The following MROH9 variants were observed in gnomAD, a reference collection of about 807,000 sequenced individuals.
The protein encoded by MROH9 is maestro heat like repeat family member 9.
MROH9 carries 92 observed loss-of-function variants against 98.2 expected under a neutral mutation model. The observed-to-expected ratio is 0.94, with a 90% confidence interval of 0.79 to 1.11. The LOEUF is 1.11. Ranked by LOEUF, MROH9 falls within the 50% of genes most tolerant of loss-of-function variation. The pLI, the probability that MROH9 is intolerant of heterozygous loss-of-function variation, is 0.00. For missense variants in MROH9, 1,057 were observed against 1,014.8 expected (o/e 1.04, Z -0.57); for synonymous variants, 397 against 368.9 (o/e 1.08, Z -0.87).
intron 10 of MROH9, among the ~76,000 whole-genome samples, chr1:170,986,974 C>A (rs942457262): frequency 6.6e-5 from 10 of 152,102 alleles, no homozygotes; most frequent in Non-Finnish European, 1.3e-4. Flanking sequence ...CCTCAGCCTC[C>A]TAAGCAGCTG....
intron 15 of MROH9, among the ~76,000 whole-genome samples, chr1:171,013,275 T>C (rs188445602): frequency 2.6e-5 from 4 of 152,190 alleles, no homozygotes; most frequent in African/African-American, 9.7e-5. Flanking sequence ...GGAACAGGGC[T>C]GCACAGCGGG....
At chr1:170,990,653 C>G (rs564715093) in intron 11 of MROH9, among the ~76,000 whole-genome samples, 1 of 152,304 alleles carries the variant, frequency 6.6e-6, no homozygotes, top group Admixed American at 6.5e-5. Context: ...CTACTATGAA[C>G]AGTGTAAAAG....
At chr1:171,019,753 A>C (rs1057458243) in intron 17 of MROH9, among the ~76,000 whole-genome samples, 1 of 152,186 alleles carries the variant, frequency 6.6e-6, no homozygotes, top group Admixed American at 6.6e-5. Flanking sequence ...GCAGAAAACA[A>C]GAAATAACCC....
At chr1:171,007,664 T>A (rs976981111) in intron 15 of MROH9, among the ~76,000 whole-genome samples, 2 of 152,144 alleles carry the variant, frequency 1.3e-5, no homozygotes, top group African/African-American at 4.8e-5. Flanking sequence ...CAAAATCACA[T>A]ATAGGCTTCT....
chr1:171,041,474 A>G (rs1279783174), intron 20 of MROH9, among the ~76,000 whole-genome samples: 1 of 148,730 alleles, frequency 6.7e-6, no homozygotes, highest in Non-Finnish European at 1.5e-5. Context: ...GTCATCCCTG[A>G]TGGTAACTTA....
At chr1:170,973,711 A>G (rs1188003461) in intron 8 of MROH9, among the ~76,000 whole-genome samples, 1 of 152,148 alleles carries the variant, frequency 6.6e-6, no homozygotes, top group Non-Finnish European at 1.5e-5. Flanking sequence ...CCCCGTCTCT[A>G]CTAAAAATAC....
At chr1:170,951,403 G>A (rs1293065119) in intron 3 of MROH9, among the ~76,000 whole-genome samples, 1 of 152,066 alleles carries the variant, frequency 6.6e-6, no homozygotes, top group Non-Finnish European at 1.5e-5. Context: ...TTCAGCAACA[G>A]AATCTACATT....
Position 171,028,018 on chromosome 1 carries a change from C to A in MROH9, c.2281+2598C>A, listed in dbSNP as rs1047996443. ...TGTTCAGTCTTTGTCTTTTGCTGTG[C>A]AGAAGCTGTTTAATTTAATTAGACC... On this transcript the variant is annotated intron_variant, in intron 20 of 21. Coordinates refer to ENST00000367759, the MANE Select transcript of MROH9 (RefSeq NM_001163629.2). 1.3e-5 allele frequency among the ~76,000 whole-genome samples: 2 copies of A among 152,130 alleles called. 1 individual carries two copies. Among genetic ancestry groups the A allele is most frequent in the Middle Eastern group, 6.3e-3 (2 of 316 alleles).
intron 1 of MROH9, among the ~76,000 whole-genome samples, chr1:170,941,081 T>C (rs1452896412): frequency 2.0e-5 from 3 of 152,188 alleles, no homozygotes; most frequent in Non-Finnish European, 2.9e-5. Context: ...CTACACTCCA[T>C]TGATCTCCTG....
At chr1:171,001,661 A>G (rs879472840) in intron 15 of MROH9, among the ~76,000 whole-genome samples, 7 of 152,066 alleles carry the variant, frequency 4.6e-5, no homozygotes, top group Non-Finnish European at 1.0e-4. Context: ...TTTTTGGCCT[A>G]TCATATATTC....
chr1:171,024,311 T>G, intron 17 of MROH9, 84 bp from the exon 18 acceptor site: 1 of 888,818 alleles, frequency 1.1e-6, no homozygotes, highest in Non-Finnish European at 1.8e-6. Flanking sequence ...GGGGTGTGTG[T>G]GTGTGTGTGT....
chr1:170,994,320 C>A (rs990183352), intron 12 of MROH9, among the ~76,000 whole-genome samples: 2 of 152,124 alleles, frequency 1.3e-5, no homozygotes, highest in Non-Finnish European at 2.9e-5. Context: ...ATAACTGTTA[C>A]CCACGTGACT....
intron 15 of MROH9, among the ~76,000 whole-genome samples, chr1:171,012,259 C>G (rs1337169437): frequency 6.6e-6 from 1 of 151,718 alleles, no homozygotes; most frequent in Non-Finnish European, 1.5e-5. Context: ...TTTATTATAT[C>G]ACAAATTTTT....
chr1:171,028,607 T>C (rs1652803994), intron 20 of MROH9, among the ~76,000 whole-genome samples: 1 of 152,222 alleles, frequency 6.6e-6, no homozygotes, highest in African/African-American at 2.4e-5. Flanking sequence ...AATCTATAAA[T>C]TAACTTGGGC....
chr1:170,955,226 C>T (rs1649715297), intron 3 of MROH9, among the ~76,000 whole-genome samples: 1 of 151,974 alleles, frequency 6.6e-6, no homozygotes, highest in South Asian at 2.1e-4. Flanking sequence ...TGTTGATGGG[C>T]ATTTGGGTTG....
rs1649619441 is a variant in MROH9 at position 170,953,118 on chromosome 1, T to TTA, written c.73-5343_73-5342insTA. 2.0e-5 allele frequency among the ~76,000 whole-genome samples: 3 copies of TTA among 152,264 alleles called. No homozygotes were observed. In the South Asian group the frequency reaches 6.2e-4, roughly 32 times the overall value. On this transcript the variant is annotated intron_variant, in intron 3 of 21. Transcript: ENST00000367759. Reference sequence around the variant, plus strand: ...ATTTATAGATTAAGTTATGAATACTTCCTTAAACTATTGTCTTATCATTAG... The same window carrying TTA: ...ATTTATAGATTAAGTTATGAATACTTTACCTTAAACTATTGTCTTATCATTAG...
chr1:170,944,726 C>G (rs11266740), intron 1 of MROH9, among the ~76,000 whole-genome samples: 46,663 of 151,704 alleles, frequency 0.31, 7,421 homozygotes, highest in African/African-American at 0.38. Flanking sequence ...GTTCATAATC[C>G]ACTATGATGA....
chr1:171,047,735 T>C (rs1653511158), intron 20 of MROH9, among the ~76,000 whole-genome samples: 1 of 152,200 alleles, frequency 6.6e-6, no homozygotes, highest in Admixed American at 6.5e-5. Flanking sequence ...CTTCACTGTC[T>C]GGGCATTGAA....
Position 170,996,597 on chromosome 1 carries a change from G to T in MROH9, c.1428G>T (p.Gln476His). ...ITLMKENFWD[Q>H]LSEDLCYYHG... ...TAATGAAGGAGAATTTCTGGGACCA[G>T]TTATCTGAAGATCTGTGTTACTATC... Residue 476 changes from glutamine to histidine, a missense_variant, in exon 14 of 22, where the codon CAG becomes CAT. Coordinates refer to ENST00000367759, the MANE Select transcript of MROH9 (RefSeq NM_001163629.2). 6.2e-7 allele frequency: 1 copy of T among 1,613,632 alleles called. No homozygotes were observed. Among genetic ancestry groups the T allele is most frequent in the Non-Finnish European group, 8.5e-7 (1 of 1,179,668 alleles).
Sources: gnomAD v4.1 joint callset for allele counts (sites outside exome capture counted in the v4.1 genomes callset) on GRCh38, gnomAD v4.1.1 for gene constraint, MANE v1.5 for transcripts, NCBI Gene and HGNC (gene_info 2026-07-23, HGNC 2026-07-21) for gene names.